The following FAT3 variants were observed in gnomAD, a reference collection of about 807,000 sequenced individuals.
FAT3 encodes FAT atypical cadherin 3.
FAT3 carries 95 observed loss-of-function variants against 310.2 expected under a neutral mutation model. That is an observed-to-expected ratio of 0.31 (90% confidence interval 0.26 to 0.36). The LOEUF (loss-of-function observed/expected upper bound fraction) is 0.36. Ranked by LOEUF, FAT3 falls within the 10% of genes least tolerant of loss-of-function variation. The pLI is 1.00. For synonymous variants in FAT3, 2,314 were observed against 2,192.9 expected (o/e 1.06, Z -1.54); for missense variants, 5,408 against 5,715.6 (o/e 0.95, Z 1.74).
At chr11:92,803,527 A>T (rs3912650) in intron 10 of FAT3, among the ~76,000 whole-genome samples, 1 of 152,132 alleles carries the variant, frequency 6.6e-6, no homozygotes, top group East Asian at 1.9e-4. Flanking sequence ...GCCAGTGGTG[A>T]AGGAAAGTGA....
intron 4 of FAT3, among the ~76,000 whole-genome samples, chr11:92,704,607 A>G (rs1256602626): frequency 2.0e-5 from 3 of 152,160 alleles, no homozygotes; most frequent in African/African-American, 4.8e-5. Flanking sequence ...GGACACAGAT[A>G]TGTACAGAGG....
At chr11:92,638,609 G>C (rs1941853199) in intron 3 of FAT3, among the ~76,000 whole-genome samples, 1 of 152,074 alleles carries the variant, frequency 6.6e-6, no homozygotes, top group Non-Finnish European at 1.5e-5. Flanking sequence ...TACACATCTG[G>C]ACCCACTGAA....
intron 1 of FAT3, among the ~76,000 whole-genome samples, chr11:92,240,588 A>C (rs1184904127): frequency 1.3e-5 from 2 of 149,946 alleles, no homozygotes; most frequent in South Asian, 2.1e-4. Flanking sequence ...AAAAAAAAAA[A>C]CCCAAAAAAC....
intron 3 of FAT3, among the ~76,000 whole-genome samples, chr11:92,545,964 C>T (rs765680464): frequency 6.6e-6 from 1 of 152,188 alleles, no homozygotes; most frequent in Non-Finnish European, 1.5e-5. Flanking sequence ...TGGAAACATT[C>T]ACAGCTCTAC....
rs1946537612 is a variant in FAT3 at position 92,774,268 on chromosome 11, G to A, written c.4335+88G>A. 4 of 1,367,786 alleles carry A rather than the reference G, an allele frequency of 2.9e-6. No individual in the cohort carries two copies. In the East Asian group the frequency reaches 9.9e-5, roughly 34 times the overall value. The allele number at this position is 1,367,786 out of a possible 1,614,324, so 84.7% of individuals were successfully genotyped here. On this transcript the variant is annotated intron_variant, in intron 7 of 27. Transcript: ENST00000525166. ...GCAATGAAAAAAAAATGTAATGGAA[G>A]TAGTAAATTATGTCGACGGTTTTCT...
chr11:92,294,493 G>A (rs1180704725), intron 1 of FAT3, among the ~76,000 whole-genome samples: 3 of 151,984 alleles, frequency 2.0e-5, no homozygotes, highest in Admixed American at 6.6e-5. Flanking sequence ...ATACTATAGT[G>A]GAGATAAGTG....
rs966202433 is a variant in FAT3 at position 92,895,071 on chromosome 11, C to T, written c.*3958C>T. 1 of 152,210 alleles carries T rather than the reference C, an allele frequency of 6.6e-6. No individual in the cohort carries two copies. Among genetic ancestry groups the T allele is most frequent in the African/African-American group, 2.4e-5 (1 of 41,448 alleles). 9.4% of individuals were successfully genotyped at this position (152,210 alleles called of 1,614,324 possible). A position where few individuals can be genotyped will look rare whatever the true frequency, so the allele number is the denominator to read the frequency against. Reference sequence around the variant, plus strand: ...AAGTAATTCAGGAAGATCTAGTGTTCATTTTGCATGGATTGTCCAGATAAT... The same window carrying T: ...AAGTAATTCAGGAAGATCTAGTGTTTATTTTGCATGGATTGTCCAGATAAT... On this transcript the variant is annotated 3_prime_UTR_variant, in exon 28 of 28. Coordinates refer to ENST00000525166, the MANE Select transcript of FAT3 (RefSeq NM_001367949.2).
At chr11:92,546,944 C>T (rs1048078106) in intron 3 of FAT3, among the ~76,000 whole-genome samples, 8 of 152,132 alleles carry the variant, frequency 5.3e-5, no homozygotes, top group Non-Finnish European at 1.2e-4. Flanking sequence ...GTTCACAAAA[C>T]GAATTCAATT....
At chr11:92,657,820 G>A (rs1942635783) in intron 3 of FAT3, among the ~76,000 whole-genome samples, 1 of 152,156 alleles carries the variant, frequency 6.6e-6, no homozygotes, top group East Asian at 1.9e-4. Flanking sequence ...GGACATGTTA[G>A]ACCCAACTAA....
intron 3 of FAT3, among the ~76,000 whole-genome samples, chr11:92,693,095 A>G (rs1458179165): frequency 6.6e-6 from 1 of 152,172 alleles, no homozygotes; most frequent in African/African-American, 2.4e-5. Context: ...TTCCATCTCC[A>G]TAACAAAAAA....
At chr11:92,887,808 C>T (rs893029444) in intron 25 of FAT3, among the ~76,000 whole-genome samples, 2 of 152,034 alleles carry the variant, frequency 1.3e-5, no homozygotes, top group Non-Finnish European at 2.9e-5. Context: ...GGGTTGTTCT[C>T]CCCAGGGCAG....
intron 4 of FAT3, among the ~76,000 whole-genome samples, chr11:92,750,881 G>T (rs908761178): frequency 6.6e-6 from 1 of 152,164 alleles, no homozygotes; most frequent in African/African-American, 2.4e-5. Flanking sequence ...CAAGAAGTAC[G>T]CCTAGACAGT....
At chr11:92,349,226 AT>A (rs1948496826) in intron 1 of FAT3, among the ~76,000 whole-genome samples, 1 of 152,176 alleles carries the variant, frequency 6.6e-6, no homozygotes, top group Non-Finnish European at 1.5e-5. Context: ...TCTGGGAGTG[AT>A]CCCAGTATTT....
chr11:92,533,740 G>A (rs887268633), intron 3 of FAT3, among the ~76,000 whole-genome samples: 3 of 152,252 alleles, frequency 2.0e-5, no homozygotes, highest in African/African-American at 7.2e-5. Flanking sequence ...GAGGAGAATT[G>A]TGTTGTTCCT....
Position 92,774,065 on chromosome 11 carries a change from A to G in FAT3, c.4220A>G (p.Asp1407Gly). ...GGGGGGAATTTTGACAGCGCTTTTG[A>G]TGCAGAGAAGGGTGTTGGGACAATT... ...IVGGNFDSAF[D>G]AEKGVGTIVI... Residue 1407 changes from aspartate (D) to glycine (G), a missense_variant, in exon 7 of 28, where the codon GAT becomes GGT. Transcript: ENST00000525166. The G allele has an allele frequency of 1.2e-6, 2 of 1,613,328 alleles. No homozygotes were observed. The highest frequency in any genetic ancestry group is 1.7e-6 in the Non-Finnish European group (2 of 1,179,604).
chr11:92,315,477 GTGTATATATATATATA>G (rs1348083356), intron 1 of FAT3, among the ~76,000 whole-genome samples: 74 of 81,616 alleles, frequency 9.1e-4, no homozygotes, highest in African/African-American at 1.8e-3. Context: ...GTGTGTGTGT[GTGTATATATATATATA>G]TATATATATA....
At chr11:92,273,752 A>G (rs1426926884) in intron 1 of FAT3, among the ~76,000 whole-genome samples, 1 of 152,118 alleles carries the variant, frequency 6.6e-6, no homozygotes, top group Non-Finnish European at 1.5e-5. Flanking sequence ...TAATGTCTGC[A>G]TGGGGCTCTA....
Position 92,800,557 on chromosome 11 carries a change from T to C in FAT3, c.7544T>C (p.Val2515Ala). The stretch of plus-strand genomic sequence containing the variant: ...GAGAACGTGGCTGCAGGAACAAAGG[T>C]AATTCATGTTCGAGCCACAGATGGT... ...VRENVAAGTKVIHVRATDGDP... is the reference protein window; with the variant it reads ...VRENVAAGTKAIHVRATDGDP... Residue 2515 changes from valine (V) to alanine (A), a missense_variant, in exon 10 of 28, where the codon GTA becomes GCA. Transcript: ENST00000525166. 1 of 1,613,634 alleles carries C rather than the reference T, an allele frequency of 6.2e-7. No individual in the cohort carries two copies. The highest frequency in any genetic ancestry group is 8.5e-7 in the Non-Finnish European group (1 of 1,179,798).
At chr11:92,784,177 C>T (rs890305443) in intron 7 of FAT3, among the ~76,000 whole-genome samples, 1 of 152,150 alleles carries the variant, frequency 6.6e-6, no homozygotes, top group African/African-American at 2.4e-5. Context: ...TCATTTTCCC[C>T]ACTGGTAAAC....
Sources: allele counts gnomAD v4.1 joint callset (sites outside exome capture counted in the v4.1 genomes callset), GRCh38; gene constraint gnomAD v4.1.1; transcripts MANE v1.5; gene names NCBI Gene and HGNC (gene_info 2026-07-23, HGNC 2026-07-21).